The following RTL4 variants were observed in gnomAD, a reference collection of about 807,000 sequenced individuals.
The protein encoded by RTL4 is retrotransposon Gag-like protein 4.
A neutral mutation model predicts 5.3 loss-of-function variants in RTL4; 4 were observed. The observed-to-expected ratio is 0.75, with a 90% CI of 0.37 to 1.72. The LOEUF is 1.72. Among genes scored for constraint, RTL4 ranks in the 40% most tolerant of loss-of-function variants. The pLI, the probability that RTL4 is intolerant of heterozygous loss-of-function variation, is 0.04. For synonymous variants in RTL4, 98 were observed against 87.3 expected (o/e 1.12, Z -0.68); for missense variants, 260 against 227.1 (o/e 1.14, Z -0.93).
At chrX:112,374,464 C>T in the RTL4 span, among the ~76,000 whole-genome samples, 1 of 111,247 alleles carries the variant, frequency 9.0e-6, no homozygotes, top group African/African-American at 3.3e-5. Flanking sequence ...TAATATTTTC[C>T]TGGCTATTTG....
At chrX:112,453,060 G>T, upstream of RTL4, among the ~76,000 whole-genome samples, 1 of 110,164 alleles carries the variant, frequency 9.1e-6, no homozygotes, top group South Asian at 3.9e-4. Context: ...TCCTCATTAG[G>T]TAAAAAAGGA....
At chrX:112,275,996 G>T in the RTL4 span, among the ~76,000 whole-genome samples, 2 of 111,656 alleles carry the variant, frequency 1.8e-5, no homozygotes, top group Non-Finnish European at 3.8e-5. Context: ...GTGTTTGGCA[G>T]CCTCAGTAGT....
At chrX:112,321,500 C>A in the RTL4 span, among the ~76,000 whole-genome samples, 1 of 99,931 alleles carries the variant, frequency 1.0e-5, no homozygotes, top group South Asian at 4.7e-4. Flanking sequence ...CATGCCCCTG[C>A]ACTCCAGCCT....
chrX:112,086,879 C>T, the RTL4 span, among the ~76,000 whole-genome samples: 1 of 111,683 alleles, frequency 9.0e-6, no homozygotes, highest in African/African-American at 3.3e-5. Context: ...TTCAAGAGAA[C>T]ATTTAAACTG....
the RTL4 span, among the ~76,000 whole-genome samples, chrX:112,101,070 T>C: frequency 8.9e-6 from 1 of 112,010 alleles, no homozygotes; most frequent in East Asian, 2.8e-4. Flanking sequence ...GTGGCCTACA[T>C]GGAACACATA....
At chrX:112,095,987 GACA>G in the RTL4 span, among the ~76,000 whole-genome samples, 1 of 111,491 alleles carries the variant, frequency 9.0e-6, no homozygotes, top group Non-Finnish European at 1.9e-5. Flanking sequence ...ATTGGTGTAT[GACA>G]ACAACAAGAA....
At chrX:112,099,466 CTA>C in the RTL4 span, among the ~76,000 whole-genome samples, 1 of 111,162 alleles carries the variant, frequency 9.0e-6, no homozygotes, top group Non-Finnish European at 1.9e-5. Flanking sequence ...CAAAGAAAGA[CTA>C]TAGAGAAAGT....
the RTL4 span, among the ~76,000 whole-genome samples, chrX:112,167,776 G>A: frequency 9.3e-6 from 1 of 107,510 alleles, no homozygotes; most frequent in East Asian, 2.9e-4. Flanking sequence ...TGTTGTGGTG[G>A]TATCTTCCAA....
the RTL4 span, among the ~76,000 whole-genome samples, chrX:112,437,951 T>C: frequency 2.7e-5 from 3 of 110,470 alleles, no homozygotes; most frequent in South Asian, 3.9e-4. Context: ...AGTGTCCATT[T>C]TGTAAGCTGG....
chrX:112,308,697 G>T, the RTL4 span, among the ~76,000 whole-genome samples: 1 of 111,410 alleles, frequency 9.0e-6, no homozygotes, highest in Non-Finnish European at 1.9e-5. Context: ...AACTTTTTAG[G>T]TGGGTGAATG....
At chrX:112,351,702 T>C in the RTL4 span, among the ~76,000 whole-genome samples, 1 of 110,122 alleles carries the variant, frequency 9.1e-6, no homozygotes, top group African/African-American at 3.3e-5. Context: ...CTGCCTTTTT[T>C]TGTTTTCCAT....
chrX:112,226,725 C>A, the RTL4 span, among the ~76,000 whole-genome samples: 25,603 of 108,044 alleles, frequency 0.24, 3,031 homozygotes, highest in African/African-American at 0.45. Flanking sequence ...TGTATTTGGC[C>A]TACACCAGAC....
chrX:112,351,414 G>T, the RTL4 span, among the ~76,000 whole-genome samples: 1 of 109,094 alleles, frequency 9.2e-6, no homozygotes, highest in Non-Finnish European at 1.9e-5. Flanking sequence ...TCAATTCCTG[G>T]GTATCCTTGT....
chrX:112,321,619 C>G, the RTL4 span, among the ~76,000 whole-genome samples: 1 of 109,406 alleles, frequency 9.1e-6, no homozygotes, highest in South Asian at 3.8e-4. Context: ...GAAAATAAAA[C>G]TAAATGTTTG....
chrX:112,224,946 G>A, the RTL4 span, among the ~76,000 whole-genome samples: 2 of 112,180 alleles, frequency 1.8e-5, no homozygotes. Context: ...AACACAGAAA[G>A]TGCTTCCTAT....
At chrX:112,406,193 G>A in the RTL4 span, among the ~76,000 whole-genome samples, 68 of 111,627 alleles carry the variant, frequency 6.1e-4, no homozygotes, top group African/African-American at 2.1e-3. Context: ...TGCTGAACTG[G>A]CCTCAGAACC....
the RTL4 span, among the ~76,000 whole-genome samples, chrX:112,360,536 C>G: frequency 9.1e-6 from 1 of 110,375 alleles, no homozygotes; most frequent in Non-Finnish European, 1.9e-5. Flanking sequence ...CATAGCATAT[C>G]TAGCGTTTAA....
At chrX:112,395,148 G>A in the RTL4 span, among the ~76,000 whole-genome samples, 2 of 111,621 alleles carry the variant, frequency 1.8e-5, no homozygotes, top group African/African-American at 6.5e-5. Context: ...ACTGATGTTA[G>A]CCAAACAGAA....
At chrX:112,169,685 C>G in the RTL4 span, among the ~76,000 whole-genome samples, 35 of 111,621 alleles carry the variant, frequency 3.1e-4, no homozygotes, top group Non-Finnish European at 6.6e-4. Context: ...TAACAACATC[C>G]TCCTAGGCAC....
Sources: gnomAD v4.1 joint callset for allele counts (sites outside exome capture counted in the v4.1 genomes callset) on GRCh38, gnomAD v4.1.1 for gene constraint, MANE v1.5 for transcripts, NCBI Gene and HGNC (gene_info 2026-07-23, HGNC 2026-07-21) for gene names.